The following MROH7 variants were observed in gnomAD, a reference collection of about 807,000 sequenced individuals.
The protein encoded by MROH7 is maestro heat like repeat family member 7.
MROH7 carries 113 observed loss-of-function variants against 129.2 expected under a neutral mutation model. The ratio of observed to expected loss-of-function variants is 0.87; its 90% CI spans 0.75 to 1.02. The LOEUF is 1.02. Ranked by LOEUF, MROH7 falls within the 50% of genes least tolerant of loss-of-function variation. The pLI, the probability that MROH7 is intolerant of heterozygous loss-of-function variation, is 0.00. For missense variants in MROH7, 1,601 were observed against 1,671.3 expected (o/e 0.96, Z 0.73); for synonymous variants, 655 against 667.9 (o/e 0.98, Z 0.30).
In MROH7 at chr1:54,703,955, C is replaced by T. The variant is rs1324695972; in HGVS notation, c.3564+1210C>T. Among the ~76,000 whole-genome samples, 3 of 152,142 alleles carry T rather than the reference C, an allele frequency of 2.0e-5. No individual in the cohort carries two copies. The highest frequency in any genetic ancestry group is 1.9e-4 in the East Asian group (1 of 5,186). ...TTCATCTGTCACTGGATGCCAGTCACCCTGGGAAGGGCTTGACCTTGGGCC... is the reference window on the plus strand; with the variant it reads ...TTCATCTGTCACTGGATGCCAGTCATCCTGGGAAGGGCTTGACCTTGGGCC... On this transcript the variant is annotated intron_variant, in intron 21 of 23. Transcript: ENST00000421030. The surrounding 1 kb of genome is among the most constrained non-coding windows in gnomAD (Gnocchi z 4.4).
intron 4 of MROH7, among the ~76,000 whole-genome samples, chr1:54,667,692 G>T (rs1332674663): frequency 2.0e-5 from 3 of 151,876 alleles, no homozygotes; most frequent in African/African-American, 7.3e-5. Context: ...CTGACCTCAG[G>T]TGATCTGCCC....
chr1:54,670,354 C>T lies in MROH7; in HGVS notation c.1390-143C>T, dbSNP rs902316311. ...GTGTGGTGGCATGAGCCTATAGTCC[C>T]AGTTACTTGGGAAGCTGAGGCGGGA... On this transcript the variant is annotated intron_variant, in intron 5 of 23. Transcript: ENST00000421030. 9 of 644,686 alleles carry T rather than the reference C, an allele frequency of 1.4e-5. No individual in the cohort carries two copies. The African/African-American group carries it at 1.7e-4, about 12-fold the overall frequency. 39.9% of individuals were successfully genotyped at this position (644,686 alleles called of 1,614,324 possible).
chr1:54,655,530 C>T (rs1363104313), intron 3 of MROH7, among the ~76,000 whole-genome samples: 1 of 151,852 alleles, frequency 6.6e-6, no homozygotes, highest in Admixed American at 6.6e-5. Context: ...ACCACACCAC[C>T]ACACCTGAGT....
chr1:54,684,755 T>C (rs1244734147), intron 14 of MROH7, among the ~76,000 whole-genome samples: 2 of 152,230 alleles, frequency 1.3e-5, no homozygotes, highest in African/African-American at 4.8e-5. Context: ...GGTCAATCAC[T>C]TCCCCTCTCT....
intron 6 of MROH7, 105 bp downstream of exon 6, chr1:54,670,681 C>CCA: frequency 7.3e-7 from 1 of 1,363,838 alleles, no homozygotes; most frequent in Non-Finnish European, 1.0e-6. Flanking sequence ...GCCCCCACCC[C>CCA]TCGCCCGGTG....
chr1:54,645,952 A>G (rs923207178), intron 1 of MROH7, among the ~76,000 whole-genome samples: 13 of 152,304 alleles, frequency 8.5e-5, no homozygotes, highest in African/African-American at 2.9e-4. Flanking sequence ...GCGTGCAGCC[A>G]AAAGTTATTT....
chr1:54,689,371 T>C (rs1280088173), intron 15 of MROH7, among the ~76,000 whole-genome samples: 1 of 152,224 alleles, frequency 6.6e-6, no homozygotes, highest in African/African-American at 2.4e-5. Flanking sequence ...ACCTTAATTT[T>C]GGATATCTGG....
chr1:54,682,928 T>TCTCTGG (rs1645093797), intron 14 of MROH7, 134 bp downstream of exon 14: 2 of 995,492 alleles, frequency 2.0e-6, no homozygotes, highest in Non-Finnish European at 2.9e-6. Flanking sequence ...CTTGGGCAGG[T>TCTCTGG]CTCTGGCTCT....
intron 23 of MROH7, among the ~76,000 whole-genome samples, chr1:54,709,341 C>T (rs55816494): frequency 0.028 from 4,256 of 152,280 alleles, 83 homozygotes; most frequent in East Asian, 0.08. Context: ...GCTTCAGCCT[C>T]GCAAGTAGCT....
At chr1:54,684,754 C>T (rs1266511765) in intron 14 of MROH7, among the ~76,000 whole-genome samples, 1 of 152,244 alleles carries the variant, frequency 6.6e-6, no homozygotes, top group South Asian at 2.1e-4. Context: ...TGGTCAATCA[C>T]TTCCCCTCTC....
At chr1:54,695,712 G>C (rs1645311383) in intron 17 of MROH7, 1 of 584,104 alleles carries the variant, frequency 1.7e-6, no homozygotes, top group South Asian at 1.8e-5. Context: ...CTAGTGCCCA[G>C]GGAACCACCA....
At chr1:54,705,682 C>T (rs898961688) in intron 21 of MROH7, among the ~76,000 whole-genome samples, 7 of 152,026 alleles carry the variant, frequency 4.6e-5, no homozygotes, top group South Asian at 2.1e-4. Context: ...GTCATGTCCT[C>T]GGAGTGCAGC....
At position 54,670,933 on chromosome 1, in the gene MROH7, A is replaced by G; in HGVS notation, c.1599+4A>G. 1 of 1,596,706 alleles carries G rather than the reference A, an allele frequency of 6.3e-7. No homozygotes were observed. The highest frequency in any genetic ancestry group is 8.5e-7 in the Non-Finnish European group (1 of 1,172,112). Reference sequence around the variant, plus strand: ...GGCCAAGGCTGAGACCATCCAGGTGAGGCGGGACCTTCCCAGCAGGGCCTC... The same window carrying G: ...GGCCAAGGCTGAGACCATCCAGGTGGGGCGGGACCTTCCCAGCAGGGCCTC... On this transcript the variant is annotated splice_donor_region_variant and intron_variant, in intron 7 of 23. Transcript: ENST00000421030.
chr1:54,645,437 G>C (rs1365507831), intron 1 of MROH7, among the ~76,000 whole-genome samples: 19 of 151,512 alleles, frequency 1.3e-4, no homozygotes, highest in Admixed American at 1.3e-3. Context: ...GCACCACCAT[G>C]TCCAGCCAAT....
chr1:54,686,772 A>G (rs999747985), intron 15 of MROH7, among the ~76,000 whole-genome samples: 1 of 152,092 alleles, frequency 6.6e-6, no homozygotes, highest in Non-Finnish European at 1.5e-5. Context: ...CAAATACTTT[A>G]TTTTTAATTA....
intron 1 of MROH7, among the ~76,000 whole-genome samples, chr1:54,643,637 A>G (rs1172838294): frequency 2.0e-5 from 3 of 152,220 alleles, no homozygotes; most frequent in African/African-American, 7.2e-5. Flanking sequence ...ACTACAAAGC[A>G]GAGTCTCTGA....
chr1:54,709,917 AG>A (rs1645596234), intron 23 of MROH7, 28 bp from the exon 24 acceptor site: 4 of 1,602,208 alleles, frequency 2.5e-6, no homozygotes, highest in Non-Finnish European at 2.6e-6. Context: ...GGGTCTTAAT[AG>A]GAGGCTTCTC....
intron 17 of MROH7, 162 bp from the exon 18 acceptor site, chr1:54,700,159 A>G (rs1645409692): frequency 2.3e-6 from 2 of 888,228 alleles, no homozygotes; most frequent in Middle Eastern, 4.2e-4. Flanking sequence ...CATGGTGCTG[A>G]TGGACATCAG....
chr1:54,702,136 T>A lies in MROH7; in HGVS notation c.3332T>A (p.Val1111Glu). 2 of 1,611,838 alleles carry A rather than the reference T, an allele frequency of 1.2e-6. No homozygotes were observed. Among genetic ancestry groups the A allele is most frequent in the Non-Finnish European group, 1.7e-6 (2 of 1,178,952 alleles). The change falls in exon 20 of 24, where the codon GTG (valine) becomes GAG (glutamate). Residue 1111 changes from valine (V) to glutamate (E), a missense_variant. Val to Glu is a moderately radical substitution (Grantham distance 121, BLOSUM62 -2). Transcript: ENST00000421030. ...RSSCINLYGK[V>E]VQKLRAPRTQ... The stretch of plus-strand genomic sequence containing the variant: ...TCCTGCATCAACCTGTATGGGAAGG[T>A]GGTCCAGAAGCTTCGGGCACCACGC...
Sources: gnomAD v4.1 joint callset for allele counts (sites outside exome capture counted in the v4.1 genomes callset) on GRCh38, gnomAD v4.1.1 for gene constraint, Gnocchi (gnomAD v3.1) non-coding constraint, MANE v1.5 for transcripts, NCBI Gene and HGNC (gene_info 2026-07-23, HGNC 2026-07-21) for gene names.